WNT3: variants seen among roughly 807,000 people sequenced by gnomAD.
WNT3 encodes Wnt family member 3.
Under a neutral mutation model 34.2 loss-of-function variants are expected in WNT3, and 7 were observed. The ratio of observed to expected loss-of-function variants is 0.20; its 90% CI spans 0.12 to 0.38. WNT3 has a LOEUF of 0.38. WNT3 is among the 10% of genes least tolerant of loss of function. The probability of loss-of-function intolerance (pLI) is 1.00; values close to 1 mark genes in which losing one functional copy is unlikely to be tolerated. For missense variants in WNT3, 267 were observed against 499.8 expected (o/e 0.53, Z 4.44); for synonymous variants, 212 against 211.5 (o/e 1.00, Z -0.02).
intron 1 of WNT3, among the ~76,000 whole-genome samples, chr17:46,784,657 A>G (rs1322688347): frequency 6.6e-6 from 1 of 152,096 alleles, no homozygotes; most frequent in Non-Finnish European, 1.5e-5. Flanking sequence ...GCAGGCGCCC[A>G]GGTCTGGCTT....
At chr17:46,779,103 A>ACACACACACACCCCCCCCC (rs749719578) in intron 1 of WNT3, among the ~76,000 whole-genome samples, 1 of 133,590 alleles carries the variant, frequency 7.5e-6, no homozygotes, top group Admixed American at 7.8e-5. Flanking sequence ...ACACACACAC[A>ACACACACACACCCCCCCCC]CCCCAGCCCA....
At chr17:46,771,405 GC>G (rs952067524) in intron 2 of WNT3, among the ~76,000 whole-genome samples, 2 of 151,420 alleles carry the variant, frequency 1.3e-5, no homozygotes, top group Non-Finnish European at 2.9e-5. Flanking sequence ...CAGGGCGGGC[GC>G]CCCTCGTTTC....
intron 2 of WNT3, among the ~76,000 whole-genome samples, chr17:46,772,014 G>T (rs1285824393): frequency 1.3e-5 from 2 of 151,280 alleles, no homozygotes; most frequent in Admixed American, 1.3e-4. Context: ...CGGGCTGCCC[G>T]ACCCGCTGCG....
At chr17:46,776,858 G>A (rs2059416525) in intron 1 of WNT3, among the ~76,000 whole-genome samples, 1 of 152,110 alleles carries the variant, frequency 6.6e-6, no homozygotes, top group South Asian at 2.1e-4. Context: ...GGCACTCGGA[G>A]ACCCTTCCTC....
chr17:46,805,644 G>C (rs570885027), intron 1 of WNT3, among the ~76,000 whole-genome samples: 3 of 152,270 alleles, frequency 2.0e-5, no homozygotes, highest in African/African-American at 7.2e-5. Context: ...TTAGTGATTT[G>C]GCAATCTAAG....
At chr17:46,766,443 C>T (rs2059314318) in intron 4 of WNT3, among the ~76,000 whole-genome samples, 1 of 151,990 alleles carries the variant, frequency 6.6e-6, no homozygotes, top group South Asian at 2.1e-4. Context: ...CTCCCATTGT[C>T]ACCACCACTG....
At position 46,786,495 on chromosome 17, in the gene WNT3, G is replaced by A. The variant is rs539321772; in HGVS notation, c.81-12586C>T. Among the ~76,000 whole-genome samples the A allele has an allele frequency of 1.3e-4, 20 of 152,356 alleles. 1 individual carries two copies. The highest frequency in any genetic ancestry group is 8.5e-4 in the Admixed American group (13 of 15,308). On this transcript the variant is annotated intron_variant, in intron 1 of 4. Transcript: ENST00000225512. The stretch of plus-strand genomic sequence containing the variant: ...GACCTCACTCTTCAGACCCCAGAGC[G>A]TCTCCCTGAGAGGCACCAAGCCCAC...
intron 1 of WNT3, among the ~76,000 whole-genome samples, chr17:46,779,817 A>AGCGT (rs1225847349): frequency 2.6e-5 from 4 of 152,068 alleles, no homozygotes; most frequent in Non-Finnish European, 5.9e-5. Flanking sequence ...TGGAGTACAA[A>AGCGT]GCGTGATCTT....
At chr17:46,765,005 GT>G (rs1228384959) in intron 4 of WNT3, among the ~76,000 whole-genome samples, 1 of 152,262 alleles carries the variant, frequency 6.6e-6, no homozygotes, top group African/African-American at 2.4e-5. Flanking sequence ...GGCATGCACT[GT>G]GTTTTTGTAC....
chr17:46,809,340 C>A (rs1431501324), intron 1 of WNT3, among the ~76,000 whole-genome samples: 1 of 152,154 alleles, frequency 6.6e-6, no homozygotes, highest in Non-Finnish European at 1.5e-5. Flanking sequence ...ATGGGCCCTG[C>A]GAGATTGGTT....
intron 2 of WNT3, among the ~76,000 whole-genome samples, chr17:46,771,604 G>A (rs1458547050): frequency 6.8e-6 from 1 of 147,378 alleles, no homozygotes; most frequent in Non-Finnish European, 1.5e-5. Context: ...CTTTGTTCGC[G>A]CGGTGTCACA....
At chr17:46,804,105 T>G (rs560968868) in intron 1 of WNT3, among the ~76,000 whole-genome samples, 2 of 152,130 alleles carry the variant, frequency 1.3e-5, no homozygotes, top group East Asian at 3.9e-4. Flanking sequence ...TTTTATTTTT[T>G]GAGACAGAGT....
chr17:46,775,453 CA>C (rs2059405269), intron 1 of WNT3, among the ~76,000 whole-genome samples: 1 of 152,078 alleles, frequency 6.6e-6, no homozygotes, highest in South Asian at 2.1e-4. Flanking sequence ...GCTCAGTTGT[CA>C]GGGGGAGAGG....
intron 1 of WNT3, among the ~76,000 whole-genome samples, chr17:46,794,967 T>C (rs2084035081): frequency 6.6e-6 from 1 of 151,972 alleles, no homozygotes; most frequent in African/African-American, 2.4e-5. Flanking sequence ...GCCAGGCTGG[T>C]CTTGAACTCC....
intron 1 of WNT3, among the ~76,000 whole-genome samples, chr17:46,794,956 G>A (rs1477007375): frequency 6.6e-6 from 1 of 151,822 alleles, no homozygotes; most frequent in African/African-American, 2.4e-5. Context: ...TCACCATGTT[G>A]GCCAGGCTGG....
At chr17:46,799,865 G>A (rs1207408727) in intron 1 of WNT3, among the ~76,000 whole-genome samples, 1 of 152,166 alleles carries the variant, frequency 6.6e-6, no homozygotes, top group Non-Finnish European at 1.5e-5. Flanking sequence ...CCAAAGCAAA[G>A]TTCTAGAAGC....
At chr17:46,766,363 G>A (rs1297763658) in intron 4 of WNT3, among the ~76,000 whole-genome samples, 10 of 151,722 alleles carry the variant, frequency 6.6e-5, no homozygotes, top group Admixed American at 4.6e-4. Flanking sequence ...AGCCGAGATT[G>A]CGCACTTCAC....
chr17:46,766,348 C>T (rs971904660), intron 4 of WNT3, among the ~76,000 whole-genome samples: 3 of 151,474 alleles, frequency 2.0e-5, no homozygotes, highest in Non-Finnish European at 4.4e-5. Flanking sequence ...GCGGAGGTTA[C>T]AGTGAGCCGA....
At chr17:46,783,102 T>A (rs557737803) in intron 1 of WNT3, among the ~76,000 whole-genome samples, 1 of 152,340 alleles carries the variant, frequency 6.6e-6, no homozygotes, top group African/African-American at 2.4e-5. Context: ...CGGGGCCCTC[T>A]GGCTCGCCTG....
Sources: allele counts gnomAD v4.1 joint callset (sites outside exome capture counted in the v4.1 genomes callset), GRCh38; gene constraint gnomAD v4.1.1; transcripts MANE v1.5; gene names NCBI Gene and HGNC (gene_info 2026-07-23, HGNC 2026-07-21).